NRXN1: variants seen among roughly 807,000 people sequenced by gnomAD.
The protein encoded by NRXN1 is neurexin 1.
In NRXN1, 39 loss-of-function variants were observed where a neutral mutation model predicts 150.9. The observed-to-expected ratio is 0.26, with a 90% CI of 0.20 to 0.34. The LOEUF is 0.34. Among genes scored for constraint, NRXN1 ranks in the 10% least tolerant of loss-of-function variants. The probability of loss-of-function intolerance (pLI) is 1.00; values close to 1 mark genes in which losing one functional copy is unlikely to be tolerated. For missense variants in NRXN1, 1,815 were observed against 1,949.9 expected, an observed-to-expected ratio of 0.93 and a Z score of 1.30; for synonymous variants, 924 against 757.0, an observed-to-expected ratio of 1.22 and a Z score of -3.62.
At chr2:50,550,682 T>G (rs557040050) in intron 9 of NRXN1, among the ~76,000 whole-genome samples, 84 of 150,916 alleles carry the variant, frequency 5.6e-4, no homozygotes, top group Admixed American at 1.5e-3. Context: ...TATTTTTATT[T>G]TTTATTTTTT....
chr2:50,320,622 A>T (rs1273515067), intron 17 of NRXN1, among the ~76,000 whole-genome samples: 1 of 151,798 alleles, frequency 6.6e-6, no homozygotes, highest in Admixed American at 6.6e-5. Flanking sequence ...GGATTTAGGG[A>T]ATTGATGAAT....
chr2:50,752,010 C>T (rs570807732), intron 5 of NRXN1, among the ~76,000 whole-genome samples: 12 of 152,024 alleles, frequency 7.9e-5, no homozygotes, highest in African/African-American at 2.7e-4. Flanking sequence ...ACCCAGTCTG[C>T]CCACTCTAAA....
chr2:50,800,888 C>A (rs1318933987), intron 5 of NRXN1, among the ~76,000 whole-genome samples: 1 of 152,096 alleles, frequency 6.6e-6, no homozygotes, highest in African/African-American at 2.4e-5. Context: ...CAAAAATCTT[C>A]ATTTTTAATG....
At chr2:50,406,226 G>T (rs1483310646) in intron 17 of NRXN1, among the ~76,000 whole-genome samples, 1 of 152,020 alleles carries the variant, frequency 6.6e-6, no homozygotes. Context: ...GAGAAGACAT[G>T]ATGGGAAAAC....
intron 2 of NRXN1, chr2:50,985,346 C>A (rs1697522474): frequency 6.6e-6 from 1 of 151,730 alleles, no homozygotes; most frequent in African/African-American, 2.4e-5. Flanking sequence ...TCACTGAGAA[C>A]TTACTGAGAA....
intron 5 of NRXN1, among the ~76,000 whole-genome samples, chr2:50,804,244 A>G (rs1667221949): frequency 6.6e-6 from 1 of 152,184 alleles, no homozygotes; most frequent in Admixed American, 6.5e-5. Context: ...TTTCATTTAC[A>G]TTAGGTGAAG....
chr2:51,027,883 C>G lies in NRXN1; in HGVS notation c.391G>C (p.Asp131His), dbSNP rs780572683. ...RQFRNTTLFI[D>H]QVEAKWVEVK... is the part of the protein sequence containing the mutation. Reference sequence around the variant, plus strand: ...TCCACCCACTTGGCCTCCACCTGGTCGATGAAGAGCGTGGTGTTGCGGAAC... The same window carrying G: ...TCCACCCACTTGGCCTCCACCTGGTGGATGAAGAGCGTGGTGTTGCGGAAC... The change falls in exon 2 of 23, where the codon GAC (aspartate) becomes CAC (histidine). Residue 131 changes from aspartate (D) to histidine (H), a missense_variant. Around this residue, in one of 6 missense-constraint regions of NRXN1, gnomAD observed 554 missense variants for 478.8 expected, o/e 1.16. Coordinates refer to ENST00000401669, the MANE Select transcript of NRXN1 (RefSeq NM_001330078.2). The G allele has an allele frequency of 1.2e-6, 2 of 1,612,024 alleles. No individual in the cohort carries two copies. Among genetic ancestry groups the G allele is most frequent in the Non-Finnish European group, 1.7e-6 (2 of 1,179,726 alleles).
chr2:50,237,336 A>G (rs550049318), intron 17 of NRXN1, among the ~76,000 whole-genome samples: 8 of 152,104 alleles, frequency 5.3e-5, no homozygotes, highest in Non-Finnish European at 1.0e-4. Context: ...AAAAAGCAAC[A>G]GCAGCACACA....
chr2:50,824,296 C>T lies in NRXN1; in HGVS notation c.832+97573G>A, dbSNP rs1670139613. ...TATTATTATTGCTACAATTCAAACC[C>T]TTTGAGTGTGTGTGTGTGTGTGTGT... is the stretch of plus-strand genomic sequence containing the variant. On this transcript the variant is annotated intron_variant, in intron 5 of 22. Transcript: ENST00000401669. Among the ~76,000 whole-genome samples the T allele has an allele frequency of 2.5e-5, 3 of 118,376 alleles. No homozygotes were observed. The South Asian group carries it at 8.9e-4, about 35-fold the overall frequency. The allele number at this position is 118,376 out of a possible 152,430, so 77.7% of individuals were successfully genotyped here.
intron 2 of NRXN1, among the ~76,000 whole-genome samples, chr2:51,020,511 C>T (rs531283099): frequency 6.6e-6 from 1 of 152,050 alleles, no homozygotes; most frequent in East Asian, 1.9e-4. Context: ...ATATGATTCA[C>T]ATTTTTATAA....
chr2:50,170,140 A>ATC (rs2059938446), intron 18 of NRXN1, among the ~76,000 whole-genome samples: 3 of 149,238 alleles, frequency 2.0e-5, no homozygotes, highest in African/African-American at 7.7e-5. Flanking sequence ...TATAGATAAT[A>ATC]TCACACACAC....
chr2:50,757,120 G>A (rs994306969), intron 5 of NRXN1, among the ~76,000 whole-genome samples: 4 of 151,804 alleles, frequency 2.6e-5, no homozygotes, highest in African/African-American at 9.7e-5. Flanking sequence ...AGAGTATGTG[G>A]AGACAAATAG....
chr2:50,300,397 A>G (rs777700595), intron 17 of NRXN1, among the ~76,000 whole-genome samples: 5 of 152,176 alleles, frequency 3.3e-5, no homozygotes, highest in Non-Finnish European at 7.4e-5. Flanking sequence ...AGATACTACA[A>G]AGCCACCAAC....
chr2:50,202,038 C>A lies in NRXN1; in HGVS notation c.3546+34751G>T, dbSNP rs138140923. ...CTAATCAAGACATTATGCCTTCTGT[C>A]TTTCCAAGCTTGAATACATCACAAG... On this transcript the variant is annotated intron_variant, in intron 18 of 22. Coordinates refer to ENST00000401669, the MANE Select transcript of NRXN1 (RefSeq NM_001330078.2). 4.0e-3 allele frequency among the ~76,000 whole-genome samples: 604 copies of A among 152,304 alleles called. 2 individuals are homozygous for A. Among genetic ancestry groups the A allele is most frequent in the African/African-American group, 0.014 (578 of 41,558 alleles).
At chr2:50,921,796 A>C in intron 5 of NRXN1, 73 bp downstream of exon 5, 1 of 704,130 alleles carries the variant, frequency 1.4e-6, no homozygotes. Context: ...AAAAGGTCTA[A>C]ATACATTTAT....
chr2:50,828,935 C>T (rs1270107232), intron 5 of NRXN1, among the ~76,000 whole-genome samples: 2 of 152,218 alleles, frequency 1.3e-5, no homozygotes, highest in African/African-American at 4.8e-5. Flanking sequence ...CCAGCCTGGG[C>T]ACCATTGAGC....
intron 19 of NRXN1, among the ~76,000 whole-genome samples, chr2:50,070,813 CAGACTAAGTAGAGA>C (rs1390354156): frequency 6.7e-6 from 1 of 149,876 alleles, no homozygotes; most frequent in Non-Finnish European, 1.5e-5. Flanking sequence ...CAGTGTAACT[CAGACTAAGTAGAGA>C]TCACCAATTA....
intron 17 of NRXN1, among the ~76,000 whole-genome samples, chr2:50,407,987 A>G (rs1366328581): frequency 6.6e-6 from 1 of 152,172 alleles, no homozygotes; most frequent in Non-Finnish European, 1.5e-5. Flanking sequence ...TTCCTATCCA[A>G]TTAAACTAAA....
At chr2:49,991,790 A>C (rs1313741222) in intron 21 of NRXN1, among the ~76,000 whole-genome samples, 1 of 152,224 alleles carries the variant, frequency 6.6e-6, no homozygotes, top group African/African-American at 2.4e-5. Context: ...CTAACAAAAT[A>C]TTGAAGGAGA....
Sources: gnomAD v4.1 joint callset for allele counts (sites outside exome capture counted in the v4.1 genomes callset) on GRCh38, gnomAD v4.1.1 for gene constraint, gnomAD v4.1.1 regional missense constraint, MANE v1.5 for transcripts, NCBI Gene and HGNC (gene_info 2026-07-23, HGNC 2026-07-21) for gene names.